The following CORIN variants were observed in gnomAD, a reference collection of about 807,000 sequenced individuals.
The protein encoded by CORIN is corin, serine peptidase.
Under a neutral mutation model 125.3 loss-of-function variants are expected in CORIN, and 117 were observed. The observed-to-expected ratio is 0.93, with a 90% confidence interval of 0.80 to 1.09. The LOEUF (loss-of-function observed/expected upper bound fraction) is 1.09. Among genes scored for constraint, CORIN ranks in the 50% least tolerant of loss-of-function variants. The pLI, the probability that CORIN is intolerant of heterozygous loss-of-function variation, is 0.00. For missense variants in CORIN, 1,253 were observed against 1,306.7 expected, an observed-to-expected ratio of 0.96 and a Z score of 0.63; for synonymous variants, 450 against 466.4, an observed-to-expected ratio of 0.96 and a Z score of 0.45.
At chr4:47,807,663 C>T (rs997830402) in intron 1 of CORIN, among the ~76,000 whole-genome samples, 6 of 152,174 alleles carry the variant, frequency 3.9e-5, no homozygotes, top group Non-Finnish European at 8.8e-5. Flanking sequence ...GCCCATGCTA[C>T]CCCTGCAGCC....
chr4:47,629,077 A>T (rs1157125206), intron 16 of CORIN, among the ~76,000 whole-genome samples: 6 of 152,158 alleles, frequency 3.9e-5, no homozygotes, highest in African/African-American at 1.4e-4. Context: ...GATGGATCAT[A>T]TGGTAGGTAG....
intron 5 of CORIN, among the ~76,000 whole-genome samples, chr4:47,739,243 G>A (rs998817158): frequency 6.6e-6 from 1 of 152,070 alleles, no homozygotes; most frequent in African/African-American, 2.4e-5. Flanking sequence ...TCTACACTTA[G>A]ACACATTGTA....
At position 47,730,276 on chromosome 4, in the gene CORIN, C is replaced by T. The variant is rs190806623; in HGVS notation, c.799+14126G>A. ...GATCACGAGGTCAGGAGTTCGAGAC[C>T]AGCCTGGCCAATATGGTGAAACCCC... On this transcript the variant is annotated intron_variant, in intron 5 of 21. Transcript: ENST00000273857. Among the ~76,000 whole-genome samples, 839 of 152,048 alleles carry T rather than the reference C, an allele frequency of 5.5e-3. 9 individuals are homozygous for T. The highest frequency in any genetic ancestry group is 0.019 in the African/African-American group (805 of 41,468).
intron 12 of CORIN, among the ~76,000 whole-genome samples, chr4:47,657,251 C>G (rs1379056331): frequency 1.3e-5 from 2 of 151,806 alleles, no homozygotes; most frequent in African/African-American, 4.8e-5. Context: ...TACCTGATAC[C>G]AGCCAGGCGT....
intron 2 of CORIN, among the ~76,000 whole-genome samples, chr4:47,796,137 T>A (rs139090844): frequency 8.0e-4 from 121 of 152,136 alleles, no homozygotes; most frequent in Middle Eastern, 3.4e-3. Context: ...AAAATTGAAA[T>A]CAGGATCTCC....
chr4:47,789,219 G>C (rs2109921899), intron 2 of CORIN, among the ~76,000 whole-genome samples: 1 of 152,216 alleles, frequency 6.6e-6, no homozygotes, highest in East Asian at 1.9e-4. Context: ...CAGGAGAATT[G>C]TTTGAACCCG....
intron 5 of CORIN, among the ~76,000 whole-genome samples, chr4:47,742,543 T>A (rs1340096712): frequency 6.6e-6 from 1 of 151,992 alleles, no homozygotes; most frequent in African/African-American, 2.4e-5. Context: ...ATGTGCAAGA[T>A]CTCTATGGTT....
At chr4:47,688,708 T>C (rs1725635854) in intron 6 of CORIN, among the ~76,000 whole-genome samples, 1 of 152,246 alleles carries the variant, frequency 6.6e-6, no homozygotes, top group Non-Finnish European at 1.5e-5. Context: ...TAACAGTATC[T>C]TTCTATTTAC....
At chr4:47,645,220 G>T (rs557245978) in intron 13 of CORIN, 26 bp from the exon 14 acceptor site, 2 of 1,268,918 alleles carry the variant, frequency 1.6e-6, no homozygotes, top group South Asian at 1.3e-5. Context: ...AAGGTTATTT[G>T]CAATAGACGT....
chr4:47,802,959 G>T (rs1262636645), intron 2 of CORIN, among the ~76,000 whole-genome samples: 1 of 152,092 alleles, frequency 6.6e-6, no homozygotes, highest in Non-Finnish European at 1.5e-5. Context: ...GAAAAAGAAC[G>T]AGAGTCTCGG....
intron 5 of CORIN, among the ~76,000 whole-genome samples, chr4:47,711,379 T>C (rs989883052): frequency 6.6e-6 from 1 of 152,246 alleles, no homozygotes; most frequent in Admixed American, 6.5e-5. Flanking sequence ...GGTGCAGCCA[T>C]GTTACTAAGG....
At chr4:47,811,150 C>T (rs1417117540) in intron 1 of CORIN, among the ~76,000 whole-genome samples, 1 of 152,152 alleles carries the variant, frequency 6.6e-6, no homozygotes, top group African/African-American at 2.4e-5. Context: ...TCCATGCACT[C>T]CCTAACCTGT....
chr4:47,606,818 C>A (rs1309172873), intron 19 of CORIN, among the ~76,000 whole-genome samples: 1 of 151,920 alleles, frequency 6.6e-6, no homozygotes, highest in African/African-American at 2.4e-5. Context: ...GTAATAAGTG[C>A]ATTACCATCT....
intron 1 of CORIN, among the ~76,000 whole-genome samples, chr4:47,824,230 AAT>A (rs1732643540): frequency 6.6e-6 from 1 of 151,262 alleles, no homozygotes; most frequent in Non-Finnish European, 1.5e-5. Flanking sequence ...TATTGTTAGG[AAT>A]ATATGTTTCT....
At chr4:47,801,896 A>G (rs1731561063) in intron 2 of CORIN, among the ~76,000 whole-genome samples, 1 of 152,200 alleles carries the variant, frequency 6.6e-6, no homozygotes, top group African/African-American at 2.4e-5. Flanking sequence ...TGGGAGACAC[A>G]TGACCTACTG....
At chr4:47,794,938 T>TTTAATCCA (rs1254991017) in intron 2 of CORIN, among the ~76,000 whole-genome samples, 1 of 152,150 alleles carries the variant, frequency 6.6e-6, no homozygotes, top group Non-Finnish European at 1.5e-5. Context: ...TGTTTTAGTC[T>TTTAATCCA]TTAATCCATT....
chr4:47,773,867 T>C (rs1260185948), intron 3 of CORIN, among the ~76,000 whole-genome samples: 2 of 151,644 alleles, frequency 1.3e-5, no homozygotes. Context: ...AAAAGGTATA[T>C]TTATCTTTTA....
In CORIN at chr4:47,642,909, T is replaced by C. The variant is rs1343918934; in HGVS notation, c.2068+237A>G. ...CAGCAATTATATGATTACAACATTT[T>C]GAACCCAAACGTTTTTCCATACAAT... On this transcript the variant is annotated intron_variant, in intron 15 of 21. Transcript: ENST00000273857. 3 of 1,504,258 alleles carry C rather than the reference T, an allele frequency of 2.0e-6. No homozygotes were observed. The South Asian group carries it at 3.8e-5, about 19-fold the overall frequency. 93.2% of individuals were successfully genotyped at this position (1,504,258 alleles called of 1,614,324 possible). A position where few individuals can be genotyped will look rare whatever the true frequency, so the allele number is the denominator to read the frequency against.
intron 19 of CORIN, among the ~76,000 whole-genome samples, chr4:47,618,932 C>G (rs9997352): frequency 0.54 from 81,461 of 151,936 alleles, 22,586 homozygotes; most frequent in East Asian, 0.76. Context: ...TGAAGAGCTG[C>G]TGTGAAGGGA....
Sources: allele counts gnomAD v4.1 joint callset (sites outside exome capture counted in the v4.1 genomes callset), GRCh38; gene constraint gnomAD v4.1.1; transcripts MANE v1.5; gene names NCBI Gene and HGNC (gene_info 2026-07-23, HGNC 2026-07-21).